The following GSTM2 variants were observed in gnomAD, a reference collection of about 807,000 sequenced individuals.
The protein encoded by GSTM2 is GST class-mu 2.
In GSTM2, 33 loss-of-function variants were observed where a neutral mutation model predicts 33.3. That is an observed-to-expected ratio of 0.99 (90% confidence interval 0.75 to 1.33). The LOEUF (loss-of-function observed/expected upper bound fraction) is 1.33, where lower values mean the gene tolerates loss of function less well. Ranked by LOEUF, GSTM2 falls within the 40% of genes most tolerant of loss-of-function variation. GSTM2 has a pLI of 0.00. For missense variants in GSTM2, 213 were observed against 265.8 expected, an observed-to-expected ratio of 0.80 and a Z score of 1.38; for synonymous variants, 93 against 95.6, an observed-to-expected ratio of 0.97 and a Z score of 0.16.
At chr1:109,669,407 C>T (rs372504583) in intron 4 of GSTM2, 36 bp downstream of exon 4, 29 of 1,613,500 alleles carry the variant, frequency 1.8e-5, no homozygotes, top group Non-Finnish European at 2.5e-5. Flanking sequence ...GGGGAGGGAC[C>T]GTGGCCTCCT....
Position 109,669,384 on chromosome 1 carries a change from G to T in GSTM2, c.259+13G>T, listed in dbSNP as rs1418525007. The stretch of plus-strand genomic sequence containing the variant: ...AAGCACAACCTGTGTGAGTAGATTT[G>T]GTTGCAAGATGCGGGGAGGGACCGT... On this transcript the variant is annotated intron_variant, in intron 4 of 7. Transcript: ENST00000241337. The T allele has an allele frequency of 6.8e-6, 11 of 1,614,102 alleles. No homozygotes were observed. The highest frequency in any genetic ancestry group is 9.3e-6 in the Non-Finnish European group (11 of 1,180,036).
Position 109,674,417 on chromosome 1 carries a change from G to C in GSTM2, c.568-330G>C, listed in dbSNP as rs1426960163. On this transcript the variant is annotated intron_variant, in intron 7 of 7. Transcript: ENST00000241337. The stretch of plus-strand genomic sequence containing the variant: ...GTTGCTGAACTTCTGTTTCCCACAT[G>C]ACAAATGGTGATAATAGATTCAGCC... 4.6e-5 allele frequency among the ~76,000 whole-genome samples: 7 copies of C among 152,260 alleles called. No homozygotes were observed. In the East Asian group the frequency reaches 1.4e-3, roughly 29 times the overall value.
At chr1:109,673,241 TC>T (rs1486020467) in intron 7 of GSTM2, 7 of 1,611,912 alleles carry the variant, frequency 4.3e-6, no homozygotes, top group Non-Finnish European at 5.9e-6. Context: ...CTGATTTTAC[TC>T]CTGTTCACTG....
At chr1:109,679,257 G>A (rs1020461021), downstream of GSTM2, among the ~76,000 whole-genome samples, 2 of 152,030 alleles carry the variant, frequency 1.3e-5, no homozygotes, top group Non-Finnish European at 2.9e-5. Context: ...GATCACTTGA[G>A]GTCAGGAGTT....
At chr1:109,668,180 CG>C in intron 1 of GSTM2, 29 bp downstream of exon 1, 1 of 1,339,190 alleles carries the variant, frequency 7.5e-7, no homozygotes, top group South Asian at 1.2e-5. Flanking sequence ...GGCGGTGGGA[CG>C]GGGGTGCGTG....
At chr1:109,670,432 C>T (rs1193538143) in intron 5 of GSTM2, among the ~76,000 whole-genome samples, 2 of 152,140 alleles carry the variant, frequency 1.3e-5, no homozygotes. Context: ...TTTAGTGCTA[C>T]TCATCCTTCA....
At chr1:109,671,748 C>T (rs72705222) in intron 7 of GSTM2, among the ~76,000 whole-genome samples, 165 bp downstream of exon 7, 5,295 of 152,168 alleles carry the variant, frequency 0.035, 136 homozygotes, top group Non-Finnish European at 0.054. Context: ...AGGCAGATCA[C>T]CTGTGGTTAG....
downstream of GSTM2, among the ~76,000 whole-genome samples, chr1:109,679,179 C>T (rs907248797): frequency 1.3e-5 from 2 of 150,968 alleles, no homozygotes; most frequent in Non-Finnish European, 2.9e-5. Flanking sequence ...AGAACACCTT[C>T]ACATTTTCTG....
chr1:109,678,602 T>A (rs1252684692), downstream of GSTM2, among the ~76,000 whole-genome samples: 4 of 151,950 alleles, frequency 2.6e-5, no homozygotes, highest in Non-Finnish European at 4.4e-5. Context: ...CAAAATTATT[T>A]TTTTTTGTAT....
In GSTM2 at chr1:109,669,320, A is replaced by G. The variant is rs1258458007; in HGVS notation, c.208A>G (p.Ile70Val). 1 of 1,614,016 alleles carries G rather than the reference A, an allele frequency of 6.2e-7. No homozygotes were observed. Among genetic ancestry groups the G allele is most frequent in the Non-Finnish European group, 8.5e-7 (1 of 1,180,036 alleles). Reference sequence around the variant, plus strand: ...CTACTTGATTGATGGGACTCACAAGATCACCCAGAGCAACGCCATCCTGCG... The same window carrying G: ...CTACTTGATTGATGGGACTCACAAGGTCACCCAGAGCAACGCCATCCTGCG... Reference protein sequence around the residue: ...LPYLIDGTHKITQSNAILRYI... With the variant: ...LPYLIDGTHKVTQSNAILRYI... The change falls in exon 4 of 8, where the codon ATC becomes GTC. Residue 70 changes from isoleucine (I) to valine (V), a missense_variant. Physicochemically the swap from Ile to Val is conservative, Grantham distance 29 (BLOSUM62 3). Coordinates refer to ENST00000241337, the MANE Select transcript of GSTM2 (RefSeq NM_000848.4).
downstream of GSTM2, among the ~76,000 whole-genome samples, chr1:109,680,285 A>G (rs1181605459): frequency 6.8e-6 from 1 of 147,958 alleles, no homozygotes; most frequent in Non-Finnish European, 1.5e-5. Context: ...ATAGCAAAAA[A>G]AAAAAAAAAA....
intron 5 of GSTM2, 129 bp downstream of exon 5, chr1:109,669,700 C>T (rs1393275166): frequency 9.3e-6 from 6 of 647,016 alleles, no homozygotes; most frequent in East Asian, 5.5e-5. Flanking sequence ...AGAATGAAGC[C>T]GCGGTCCTAC....
In GSTM2 at chr1:109,668,423, A is replaced by T. The variant is rs1480876964; in HGVS notation, c.37-2A>T. 1 of 1,613,978 alleles carries T rather than the reference A, an allele frequency of 6.2e-7. No individual in the cohort carries two copies. The highest frequency in any genetic ancestry group is 1.7e-5 in the Admixed American group (1 of 60,024). On this transcript the variant is annotated splice_acceptor_variant, in intron 1 of 7. Transcript: ENST00000241337. LOFTEE classifies it high-confidence loss of function. Reference sequence around the variant, plus strand: ...ACCCGAGCTGTGGGCCATCTCTCCCAGCTGGCCCATTCCATCCGCCTGCTC... The same window carrying T: ...ACCCGAGCTGTGGGCCATCTCTCCCTGCTGGCCCATTCCATCCGCCTGCTC...
downstream of GSTM2, among the ~76,000 whole-genome samples, chr1:109,676,453 A>G (rs998152758): frequency 1.3e-5 from 2 of 151,972 alleles, no homozygotes; most frequent in Non-Finnish European, 2.9e-5. Flanking sequence ...CTGGGTTCAA[A>G]CAATTCTCCT....
intron 5 of GSTM2, 78 bp from the exon 6 acceptor site, chr1:109,671,209 G>T: frequency 9.9e-7 from 1 of 1,010,738 alleles, no homozygotes; most frequent in African/African-American, 1.6e-5. Context: ...GCCAGCTGGG[G>T]CCATGCACAA....
rs929299371 is a variant in GSTM2, at chr1:109,671,380, A to T, written c.454A>T (p.Lys152Ter). The T allele has an allele frequency of 6.2e-7, 1 of 1,611,956 alleles. No homozygotes were observed. Among genetic ancestry groups the T allele is most frequent in the Admixed American group, 1.7e-5 (1 of 60,020 alleles). Residue 152 changes from lysine to a stop codon, truncating the protein, a stop_gained and splice_region_variant, in exon 6 of 8, where the codon AAG (lysine) becomes TAG (stop). Transcript: ENST00000241337. LOFTEE classifies it high-confidence loss of function. The part of the protein sequence containing the change: ...LGKQPWFLGD[K>*]ITFVDFIAYD... Reference sequence around the variant, plus strand: ...GAAGCAGCCATGGTTTCTTGGGGACAAGGTAATGGGGGCGTGTGATGGGGA... The same window carrying T: ...GAAGCAGCCATGGTTTCTTGGGGACTAGGTAATGGGGGCGTGTGATGGGGA...
chr1:109,672,425 T>C (rs773149745), intron 7 of GSTM2, among the ~76,000 whole-genome samples: 17 of 152,244 alleles, frequency 1.1e-4, no homozygotes, highest in Non-Finnish European at 1.9e-4. Flanking sequence ...TCCCCCATTT[T>C]AGAGACAAAG....
chr1:109,670,478 A>C (rs1647498209), intron 5 of GSTM2, among the ~76,000 whole-genome samples: 1 of 152,146 alleles, frequency 6.6e-6, no homozygotes, highest in South Asian at 2.1e-4. Context: ...GTGACCCTCA[A>C]ACCCCAAAGT....
intron 5 of GSTM2, 27 bp from the exon 6 acceptor site, chr1:109,671,260 G>C: frequency 6.5e-7 from 1 of 1,530,446 alleles, no homozygotes; most frequent in Non-Finnish European, 9.1e-7. Flanking sequence ...TGTGTCTGAG[G>C]GTGTTGACAG....
Sources: allele counts gnomAD v4.1 joint callset (sites outside exome capture counted in the v4.1 genomes callset), GRCh38; gene constraint gnomAD v4.1.1; transcripts MANE v1.5; gene names NCBI Gene and HGNC (gene_info 2026-07-23, HGNC 2026-07-21).